IGF1R: variants seen among roughly 807,000 people sequenced by gnomAD.
IGF1R encodes insulin-like growth factor 1 receptor.
IGF1R carries 44 observed loss-of-function variants against 144.6 expected under a neutral mutation model. The observed-to-expected ratio is 0.30, with a 90% confidence interval of 0.24 to 0.39. The LOEUF (loss-of-function observed/expected upper bound fraction) is 0.39. Among genes scored for constraint, IGF1R ranks in the 10% least tolerant of loss-of-function variants. The pLI, the probability that IGF1R is intolerant of heterozygous loss-of-function variation, is 1.00. For synonymous variants in IGF1R, 795 were observed against 722.8 expected, an observed-to-expected ratio of 1.10 and a Z score of -1.60; for missense variants, 1,355 against 1,833.7, an observed-to-expected ratio of 0.74 and a Z score of 4.77.
At chr15:98,684,024 C>G (rs368348648) in intron 1 of IGF1R, among the ~76,000 whole-genome samples, 72 of 152,298 alleles carry the variant, frequency 4.7e-4, no homozygotes, top group African/African-American at 1.7e-3. Context: ...GGCCTCTGAG[C>G]TGTACCATGT....
chr15:98,793,363 C>T (rs2056168795), intron 2 of IGF1R, among the ~76,000 whole-genome samples: 1 of 152,106 alleles, frequency 6.6e-6, no homozygotes, highest in Non-Finnish European at 1.5e-5. Flanking sequence ...AAAATGGAGG[C>T]CTTAGGTTGT....
chr15:98,908,978 T>C, intron 6 of IGF1R, 79 bp downstream of exon 6: 2 of 1,317,562 alleles, frequency 1.5e-6, no homozygotes, highest in Non-Finnish European at 1.1e-6. Context: ...TGATGGCAGC[T>C]TTCCTCTGCG....
At chr15:98,818,068 T>C (rs985961815) in intron 2 of IGF1R, among the ~76,000 whole-genome samples, 1 of 152,202 alleles carries the variant, frequency 6.6e-6, no homozygotes, top group African/African-American at 2.4e-5. Flanking sequence ...GTGGTGTCTC[T>C]TCACTGATTA....
chr15:98,837,805 T>C lies in IGF1R; in HGVS notation c.641-53520T>C, dbSNP rs912879616. On this transcript the variant is annotated intron_variant, in intron 2 of 20. Coordinates refer to ENST00000650285, the MANE Select transcript of IGF1R (RefSeq NM_000875.5). ...CTTCTCAAACTCTAAACAGTTTCATTCACCATACTTTTCTCCAGGTAACTT... is the reference window on the plus strand; with the variant it reads ...CTTCTCAAACTCTAAACAGTTTCATCCACCATACTTTTCTCCAGGTAACTT... Among the ~76,000 whole-genome samples, 24 of 152,202 alleles carry C rather than the reference T, an allele frequency of 1.6e-4. 1 individual carries two copies. Among genetic ancestry groups the C allele is most frequent in the African/African-American group, 5.5e-4 (23 of 41,442 alleles).
intron 19 of IGF1R, among the ~76,000 whole-genome samples, chr15:98,943,950 A>G (rs878981762): frequency 6.6e-6 from 1 of 152,160 alleles, no homozygotes; most frequent in Non-Finnish European, 1.5e-5. Flanking sequence ...GACAGGTGCA[A>G]ATTGGAAATA....
At chr15:98,834,338 T>C (rs1053565968) in intron 2 of IGF1R, among the ~76,000 whole-genome samples, 3 of 152,208 alleles carry the variant, frequency 2.0e-5, no homozygotes, top group Non-Finnish European at 4.4e-5. Context: ...ACAGTTGTCA[T>C]CTTTGTTTAC....
chr15:98,856,054 C>T (rs1028486022), intron 2 of IGF1R, among the ~76,000 whole-genome samples: 3 of 152,164 alleles, frequency 2.0e-5, no homozygotes, highest in Admixed American at 6.5e-5. Context: ...TAGAGGGAGA[C>T]GGGGTGTGCT....
chr15:98,673,844 T>C (rs900869530), intron 1 of IGF1R, among the ~76,000 whole-genome samples: 7 of 152,216 alleles, frequency 4.6e-5, no homozygotes, highest in African/African-American at 1.7e-4. Context: ...TATTTTGTAT[T>C]TTGCATGTCT....
rs193107222 is a variant in IGF1R, at chr15:98,711,817, C to T, written c.640+3710C>T. ...AAAATCCCATACCCTGAGTGGCTTA[C>T]ACACAACAGAAATACTGCTCACAGT... On this transcript the variant is annotated intron_variant, in intron 2 of 20. Coordinates refer to ENST00000650285, the MANE Select transcript of IGF1R (RefSeq NM_000875.5). 2.3e-3 allele frequency among the ~76,000 whole-genome samples: 349 copies of T among 152,312 alleles called. 1 individual carries two copies. The highest frequency in any genetic ancestry group is 8.2e-3 in the African/African-American group (339 of 41,562).
intron 1 of IGF1R, among the ~76,000 whole-genome samples, chr15:98,656,988 T>A (rs964646063): frequency 6.6e-6 from 1 of 152,230 alleles, no homozygotes; most frequent in African/African-American, 2.4e-5. Context: ...CAAATATATT[T>A]TGATAGTTGT....
chr15:98,930,299 G>A lies in IGF1R; in HGVS notation c.2950G>A (p.Ala984Thr), dbSNP rs918757248. 4 of 1,611,220 alleles carry A rather than the reference G, an allele frequency of 2.5e-6. No individual in the cohort carries two copies. The African/African-American group carries it at 4.0e-5, about 16-fold the overall frequency. Residue 984 changes from alanine (A) to threonine (T), a missense_variant, in exon 15 of 21, where the codon GCT (alanine) becomes ACT (threonine). Physicochemically the swap from Ala to Thr is moderately conservative, Grantham distance 58. Coordinates refer to ENST00000650285, the MANE Select transcript of IGF1R (RefSeq NM_000875.5). Reference protein sequence around the residue: ...ASVNPEYFSAADVYVPDEWEV... With the variant: ...ASVNPEYFSATDVYVPDEWEV... Reference sequence around the variant, plus strand: ...TGTGAACCCGGAGTACTTCAGCGCTGCTGATGGTAAGAGTCCGGGCCACCA... The same window carrying A: ...TGTGAACCCGGAGTACTTCAGCGCTACTGATGGTAAGAGTCCGGGCCACCA...
chr15:98,812,534 T>G (rs2056613963), intron 2 of IGF1R, among the ~76,000 whole-genome samples: 1 of 151,806 alleles, frequency 6.6e-6, no homozygotes. Flanking sequence ...TTTTTTTAAT[T>G]TTTAGTAGAG....
Position 98,762,244 on chromosome 15 carries a change from T to C in IGF1R, c.640+54137T>C, listed in dbSNP as rs1485616421. ...TTTTCTTTTCTTTTCTTTTCTTTTT[T>C]TTTTTTTTTTTGAGATGGAGTCTGG... On this transcript the variant is annotated intron_variant, in intron 2 of 20. Coordinates refer to ENST00000650285, the MANE Select transcript of IGF1R (RefSeq NM_000875.5). Among the ~76,000 whole-genome samples, 17 of 129,550 alleles carry C rather than the reference T, an allele frequency of 1.3e-4. No individual in the cohort carries two copies. The South Asian group carries it at 1.5e-3, about 11-fold the overall frequency. The allele number at this position is 129,550 out of a possible 152,430, so 85.0% of individuals were successfully genotyped here.
At chr15:98,793,783 T>C (rs1057204074) in intron 2 of IGF1R, among the ~76,000 whole-genome samples, 1 of 152,220 alleles carries the variant, frequency 6.6e-6, no homozygotes, top group African/African-American at 2.4e-5. Flanking sequence ...AAAAAGACTT[T>C]ATTAAGACCC....
intron 2 of IGF1R, among the ~76,000 whole-genome samples, chr15:98,722,818 G>A (rs1174201767): frequency 1.3e-5 from 2 of 152,172 alleles, no homozygotes; most frequent in Non-Finnish European, 2.9e-5. Flanking sequence ...CATGCAGTGG[G>A]TGAGAGAGCA....
chr15:98,710,506 G>A (rs138042785), intron 2 of IGF1R, among the ~76,000 whole-genome samples: 114 of 152,130 alleles, frequency 7.5e-4, no homozygotes, highest in African/African-American at 2.6e-3. Flanking sequence ...TGCTTTAGGT[G>A]TAAAATATAC....
intron 2 of IGF1R, among the ~76,000 whole-genome samples, chr15:98,875,352 T>TC (rs1371524396): frequency 1.3e-3 from 191 of 149,148 alleles, no homozygotes; most frequent in African/African-American, 4.4e-3. Context: ...TTCTTTTCTT[T>TC]TTTTTTTTTT....
At chr15:98,930,371 T>C (rs1168080965) in intron 15 of IGF1R, 66 bp downstream of exon 15, 1 of 1,141,150 alleles carries the variant, frequency 8.8e-7, no homozygotes, top group Non-Finnish European at 1.3e-6. Context: ...TTCAGGAGGG[T>C]TGCTAATTTG....
intron 1 of IGF1R, among the ~76,000 whole-genome samples, chr15:98,684,914 TTTC>T (rs2053286438): frequency 6.7e-6 from 1 of 150,368 alleles, no homozygotes; most frequent in African/African-American, 2.4e-5. Context: ...CATGTATATA[TTTC>T]TTCTTCCTTT....
Sources: allele counts gnomAD v4.1 joint callset (sites outside exome capture counted in the v4.1 genomes callset), GRCh38; gene constraint gnomAD v4.1.1; transcripts MANE v1.5; gene names NCBI Gene and HGNC (gene_info 2026-07-23, HGNC 2026-07-21).